Variants in FAT3 observed in about 807,000 individuals in gnomAD.
The protein encoded by FAT3 is protocadherin Fat 3.
A neutral mutation model predicts 310.2 loss-of-function variants in FAT3; 95 were observed. The ratio of observed to expected loss-of-function variants is 0.31; its 90% confidence interval spans 0.26 to 0.36. The LOEUF is 0.36. FAT3 is among the 10% of genes least tolerant of loss of function. The pLI is 1.00. For synonymous variants in FAT3, 2,314 were observed against 2,192.9 expected (o/e 1.06, Z -1.54); for missense variants, 5,408 against 5,715.6 (o/e 0.95, Z 1.74).
chr11:92,552,101 A>T (rs1317837674), intron 3 of FAT3, among the ~76,000 whole-genome samples: 1 of 152,226 alleles, frequency 6.6e-6, no homozygotes, highest in Non-Finnish European at 1.5e-5. Flanking sequence ...TTTAATATTC[A>T]GCATCTAAAA....
intron 3 of FAT3, among the ~76,000 whole-genome samples, chr11:92,598,231 T>TA (rs1555095779): frequency 0.05 from 3,570 of 70,914 alleles, 76 homozygotes; most frequent in African/African-American, 0.12. Flanking sequence ...TATATATATA[T>TA]TTTTTTTTTT....
chr11:92,518,671 A>G (rs1454868508), intron 2 of FAT3, among the ~76,000 whole-genome samples: 1 of 152,020 alleles, frequency 6.6e-6, no homozygotes, highest in African/African-American at 2.4e-5. Context: ...AATAAAAAAA[A>G]AAATTGGTTA....
chr11:92,602,514 G>A (rs1190461523), intron 3 of FAT3, among the ~76,000 whole-genome samples: 1 of 152,212 alleles, frequency 6.6e-6, no homozygotes, highest in Admixed American at 6.5e-5. Context: ...AGTGGTGCCA[G>A]AATTTGAACC....
At chr11:92,516,061 A>G (rs567025853) in intron 2 of FAT3, among the ~76,000 whole-genome samples, 43 of 152,314 alleles carry the variant, frequency 2.8e-4, no homozygotes, top group African/African-American at 9.9e-4. Context: ...CCAAAGGTAC[A>G]AAGAGAAGCT....
At chr11:92,333,267 G>T (rs1947965418) in intron 1 of FAT3, among the ~76,000 whole-genome samples, 1 of 152,112 alleles carries the variant, frequency 6.6e-6, no homozygotes, top group Non-Finnish European at 1.5e-5. Flanking sequence ...TGGTATTTGG[G>T]CTTCAGCACC....
intron 3 of FAT3, among the ~76,000 whole-genome samples, chr11:92,592,216 C>T (rs1467010551): frequency 2.6e-5 from 4 of 151,320 alleles, no homozygotes; most frequent in Non-Finnish European, 5.9e-5. Flanking sequence ...GGCACAGTCT[C>T]ATTAGGTTTG....
intron 21 of FAT3, among the ~76,000 whole-genome samples, chr11:92,864,098 A>T (rs1026975299): frequency 2.6e-5 from 4 of 152,180 alleles, no homozygotes; most frequent in Non-Finnish European, 5.9e-5. Flanking sequence ...AGATAATTTT[A>T]TGTTCTTCAG....
chr11:92,572,310 A>G (rs1938210172), intron 3 of FAT3, among the ~76,000 whole-genome samples: 1 of 152,198 alleles, frequency 6.6e-6, no homozygotes, highest in African/African-American at 2.4e-5. Context: ...TTTTATGTAC[A>G]AAAGCTGATA....
chr11:92,405,410 G>A (rs1006062316), intron 2 of FAT3, among the ~76,000 whole-genome samples: 1 of 152,054 alleles, frequency 6.6e-6, no homozygotes, highest in Non-Finnish European at 1.5e-5. Context: ...AGAACTTGCT[G>A]TAATATGATC....
intron 4 of FAT3, among the ~76,000 whole-genome samples, chr11:92,709,553 G>A (rs566406415): frequency 4.6e-5 from 7 of 152,264 alleles, no homozygotes; most frequent in East Asian, 3.9e-4. Context: ...AGATTACTCC[G>A]CTTTGTACCC....
intron 13 of FAT3, among the ~76,000 whole-genome samples, chr11:92,816,136 G>A (rs2136225097): frequency 6.6e-6 from 1 of 152,214 alleles, no homozygotes; most frequent in East Asian, 1.9e-4. Flanking sequence ...CTTGAACTTG[G>A]ATGGAGATAG....
intron 1 of FAT3, among the ~76,000 whole-genome samples, chr11:92,269,352 A>G (rs1288354108): frequency 6.6e-6 from 1 of 152,110 alleles, no homozygotes; most frequent in Non-Finnish European, 1.5e-5. Context: ...TCACACCAGC[A>G]AGCAAGTATG....
At chr11:92,425,356 A>T (rs1950608939) in intron 2 of FAT3, among the ~76,000 whole-genome samples, 1 of 152,004 alleles carries the variant, frequency 6.6e-6, no homozygotes, top group African/African-American at 2.4e-5. Flanking sequence ...AGCTACTTGC[A>T]AAGTAGCAAC....
intron 2 of FAT3, among the ~76,000 whole-genome samples, chr11:92,506,470 A>G (rs888157187): frequency 6.6e-6 from 1 of 152,226 alleles, no homozygotes; most frequent in African/African-American, 2.4e-5. Context: ...ATATGTTATC[A>G]GTAATGTACA....
chr11:92,275,123 C>G (rs1242001661), intron 1 of FAT3, among the ~76,000 whole-genome samples: 1 of 152,052 alleles, frequency 6.6e-6, no homozygotes, highest in Non-Finnish European at 1.5e-5. Context: ...TCTAGTCTTC[C>G]CAGGTACCAC....
At chr11:92,673,502 G>C (rs1297760997) in intron 3 of FAT3, among the ~76,000 whole-genome samples, 1 of 152,168 alleles carries the variant, frequency 6.6e-6, no homozygotes, top group East Asian at 1.9e-4. Flanking sequence ...CGAGTGCAAA[G>C]AAGACTGTAT....
At chr11:92,774,910 A>G (rs369933586) in intron 7 of FAT3, among the ~76,000 whole-genome samples, 4 of 152,236 alleles carry the variant, frequency 2.6e-5, no homozygotes, top group Non-Finnish European at 5.9e-5. Context: ...CATGTGGCTT[A>G]GTACATCTTT....
chr11:92,846,268 T>C (rs1337449846), intron 19 of FAT3, among the ~76,000 whole-genome samples: 2 of 152,178 alleles, frequency 1.3e-5, no homozygotes, highest in East Asian at 3.9e-4. Context: ...AACTCATTTA[T>C]TTCTGAAAAA....
At chr11:92,456,917 G>A (rs1247043938) in intron 2 of FAT3, among the ~76,000 whole-genome samples, 1 of 152,154 alleles carries the variant, frequency 6.6e-6, no homozygotes, top group East Asian at 1.9e-4. Context: ...ATGGATGCCT[G>A]GGTAAAGAGG....
Sources: gnomAD v4.1 joint callset for allele counts (sites outside exome capture counted in the v4.1 genomes callset) on GRCh38, gnomAD v4.1.1 for gene constraint, MANE v1.5 for transcripts, NCBI Gene and HGNC (gene_info 2026-07-23, HGNC 2026-07-21) for gene names.